The following GATAD1 variants were observed in gnomAD, a reference collection of about 807,000 sequenced individuals.
GATAD1 encodes GATA zinc finger domain-containing protein 1.
A neutral mutation model predicts 26.5 loss-of-function variants in GATAD1; 12 were observed. That is an observed-to-expected ratio of 0.45 (90% confidence interval 0.29 to 0.73). The LOEUF is 0.73. GATAD1 is among the 30% of genes least tolerant of loss of function. The pLI is 0.10. For missense variants in GATAD1, 266 were observed against 342.1 expected (o/e 0.78, Z 1.75); for synonymous variants, 129 against 133.1 (o/e 0.97, Z 0.21).
the GATAD1 span, chr7:92,494,596 A>G: frequency 1.2e-6 from 2 of 1,614,090 alleles, no homozygotes; most frequent in Non-Finnish European, 1.7e-6. Context: ...CAAATTCATC[A>G]AAGAAAAGAA....
At chr7:92,493,845 T>C in the GATAD1 span, 1 of 193,626 alleles carries the variant, frequency 5.2e-6, no homozygotes, top group East Asian at 1.3e-4. Flanking sequence ...TTCATTCATT[T>C]ATTTGTTTGC....
rs534021139 is a variant in GATAD1, at chr7:92,456,826, C to T, written c.*264C>T. 5.2e-5 allele frequency: 18 copies of T among 349,448 alleles called. No individual in the cohort carries two copies. In the South Asian group the frequency reaches 1.6e-3, roughly 32 times the overall value. 21.6% of individuals were successfully genotyped at this position (349,448 alleles called of 1,614,324 possible). A position where few individuals can be genotyped will look rare whatever the true frequency, so the allele number is the denominator to read the frequency against. ...GTAATAAACAAATCATTGTTTATTACTGGTCACTTAGAAAATTAAAAGGGA... is the reference window on the plus strand; with the variant it reads ...GTAATAAACAAATCATTGTTTATTATTGGTCACTTAGAAAATTAAAAGGGA... On this transcript the variant is annotated 3_prime_UTR_variant, in exon 5 of 5. Transcript: ENST00000287957.
the GATAD1 span, chr7:92,469,561 G>A: frequency 2.6e-6 from 2 of 765,178 alleles, no homozygotes; most frequent in Non-Finnish European, 4.8e-6. Context: ...ATAGGCTGAG[G>A]TACCACAGAC....
At chr7:92,449,172 A>G (rs547639548) in intron 2 of GATAD1, 4 of 1,072,726 alleles carry the variant, frequency 3.7e-6, no homozygotes, top group Admixed American at 4.6e-5. Flanking sequence ...GGGGTTCTCT[A>G]TGGAAAGGAA....
the GATAD1 span, among the ~76,000 whole-genome samples, chr7:92,487,745 G>A: frequency 6.6e-6 from 1 of 152,016 alleles, no homozygotes; most frequent in Non-Finnish European, 1.5e-5. Context: ...AGGGGATGAA[G>A]AGACAAGTTA....
At chr7:92,486,763 A>T in the GATAD1 span, among the ~76,000 whole-genome samples, 1 of 152,058 alleles carries the variant, frequency 6.6e-6, no homozygotes, top group Non-Finnish European at 1.5e-5. Flanking sequence ...TTACCCCATT[A>T]CTATATAGTT....
chr7:92,470,416 T>G, the GATAD1 span: 22 of 659,856 alleles, frequency 3.3e-5, no homozygotes, highest in Admixed American at 3.1e-4. Context: ...TCCTCCTGGT[T>G]GTTGTTTGAA....
rs2115836638 is a variant in GATAD1 at position 92,447,852 on chromosome 7, CG to C, written c.128del (p.Gly43AlafsTer81). On this transcript the variant is annotated frameshift_variant, in exon 1 of 5. Transcript: ENST00000287957. LOFTEE classifies it high-confidence loss of function. ...HCTGRGGAGS[G>X]GAGSGAAGGT... ...GCACTGGCCGGGGCGGCGCGGGCAG[CG>C]GGGGCGCAGGCTCGGGGGCGGCTGG... 2.2e-6 allele frequency: 3 copies of C among 1,380,954 alleles called. No homozygotes were observed. Among genetic ancestry groups the C allele is most frequent in the South Asian group, 1.8e-5 (1 of 56,642 alleles). 85.5% of individuals were successfully genotyped at this position (1,380,954 alleles called of 1,614,324 possible). A position where few individuals can be genotyped will look rare whatever the true frequency, so the allele number is the denominator to read the frequency against.
chr7:92,470,771 G>A, the GATAD1 span: 1 of 176,632 alleles, frequency 5.7e-6, no homozygotes, highest in Non-Finnish European at 1.3e-5. Flanking sequence ...GCTGTCTTGG[G>A]TCAAGCACAA....
chr7:92,466,656 C>T, the GATAD1 span, among the ~76,000 whole-genome samples: 3 of 152,306 alleles, frequency 2.0e-5, no homozygotes, highest in East Asian at 5.8e-4. Context: ...AAGGAAATTT[C>T]ACCATTTTGT....
At chr7:92,478,847 C>T in the GATAD1 span, among the ~76,000 whole-genome samples, 1 of 152,208 alleles carries the variant, frequency 6.6e-6, no homozygotes, top group African/African-American at 2.4e-5. Flanking sequence ...CTCTTCTTGT[C>T]AGCACATGTA....
At chr7:92,494,551 T>G in the GATAD1 span, 1 of 1,613,928 alleles carries the variant, frequency 6.2e-7, no homozygotes, top group Non-Finnish European at 8.5e-7. Flanking sequence ...CTGTAACTCC[T>G]GTATTATCAT....
intron 2 of GATAD1, chr7:92,449,266 A>G (rs1789314953): frequency 1.3e-6 from 1 of 787,508 alleles, no homozygotes. Context: ...AGTAAATATT[A>G]ACACTAGAAC....
chr7:92,492,845 G>GT, the GATAD1 span: 2 of 864,726 alleles, frequency 2.3e-6, no homozygotes, highest in Non-Finnish European at 4.0e-6. Context: ...TTTCTATACA[G>GT]TTTTACCAAA....
chr7:92,491,044 A>T, the GATAD1 span, among the ~76,000 whole-genome samples: 2 of 152,230 alleles, frequency 1.3e-5, no homozygotes, highest in Non-Finnish European at 2.9e-5. Flanking sequence ...AACCAAAGGT[A>T]ATCACAACCA....
At chr7:92,469,911 G>A in the GATAD1 span, 13 of 778,586 alleles carry the variant, frequency 1.7e-5, no homozygotes, top group Non-Finnish European at 2.9e-5. Flanking sequence ...GGGTACGGAG[G>A]GTTTCATGTA....
At chr7:92,488,737 T>TC in the GATAD1 span, among the ~76,000 whole-genome samples, 36 of 151,770 alleles carry the variant, frequency 2.4e-4, no homozygotes, top group Middle Eastern at 3.4e-3. Context: ...AAATTTTTTT[T>TC]TTTTTTTTTT....
At chr7:92,450,867 G>T in intron 3 of GATAD1, 107 bp downstream of exon 3, 1 of 683,800 alleles carries the variant, frequency 1.5e-6, no homozygotes, top group Non-Finnish European at 2.6e-6. Context: ...TTTGTATAAG[G>T]TGTGATTATA....
the GATAD1 span, among the ~76,000 whole-genome samples, chr7:92,476,991 C>T: frequency 6.6e-6 from 1 of 152,152 alleles, no homozygotes; most frequent in East Asian, 1.9e-4. Flanking sequence ...TGGGGCTACA[C>T]TTTGAAGAAA....
Sources: allele counts gnomAD v4.1 joint callset (sites outside exome capture counted in the v4.1 genomes callset), GRCh38; gene constraint gnomAD v4.1.1; transcripts MANE v1.5; gene names NCBI Gene and HGNC (gene_info 2026-07-23, HGNC 2026-07-21).